Variants in TRMT11 observed in about 807,000 individuals in gnomAD.
TRMT11 encodes tRNA (guanine(10)-N(2))-methyltransferase TRMT11.
TRMT11 carries 53 observed loss-of-function variants against 62.8 expected under a neutral mutation model. The observed-to-expected ratio is 0.84, with a 90% CI of 0.68 to 1.06. The LOEUF (loss-of-function observed/expected upper bound fraction) is 1.06, where lower values mean the gene tolerates loss of function less well. TRMT11 is among the 50% of genes least tolerant of loss of function. The pLI is 0.00. For synonymous variants in TRMT11, 188 were observed against 190.3 expected, an observed-to-expected ratio of 0.99 and a Z score of 0.10; for missense variants, 556 against 553.4, an observed-to-expected ratio of 1.00 and a Z score of -0.05.
At chr6:126,217,663 C>T in the TRMT11 span, among the ~76,000 whole-genome samples, 6 of 152,258 alleles carry the variant, frequency 3.9e-5, no homozygotes, top group Admixed American at 3.9e-4. Flanking sequence ...CCTGTAGCTA[C>T]CACCACTGAG....
intron 7 of TRMT11, among the ~76,000 whole-genome samples, chr6:126,000,136 A>ATAGCC (rs754654056): frequency 5.9e-5 from 9 of 152,138 alleles, no homozygotes; most frequent in Non-Finnish European, 1.2e-4. Context: ...AATGGGCTAG[A>ATAGCC]TAGCCTGGTC....
At chr6:126,151,814 CTTTCTT>C (rs1554242212) in intron 21 of TRMT11, among the ~76,000 whole-genome samples, 1 of 90,702 alleles carries the variant, frequency 1.1e-5, no homozygotes, top group East Asian at 3.0e-4. Context: ...TCTTTTCTTT[CTTTCTT>C]TCTTTCTTTC....
intron 21 of TRMT11, among the ~76,000 whole-genome samples, chr6:126,138,442 C>T (rs1033342463): frequency 2.6e-5 from 4 of 151,916 alleles, no homozygotes; most frequent in African/African-American, 9.7e-5. Context: ...TATGTGCTGT[C>T]TTCCCTTTGA....
intron 21 of TRMT11, among the ~76,000 whole-genome samples, chr6:126,135,037 A>C (rs1777835181): frequency 6.6e-6 from 1 of 151,704 alleles, no homozygotes; most frequent in Non-Finnish European, 1.5e-5. Flanking sequence ...ACATCCAAAT[A>C]ATAAAAAAAA....
intron 21 of TRMT11, among the ~76,000 whole-genome samples, chr6:126,158,002 T>C (rs888224161): frequency 6.6e-6 from 1 of 152,170 alleles, no homozygotes; most frequent in Admixed American, 6.5e-5. Flanking sequence ...TAAGCCCCTC[T>C]ATATCCTCTA....
the TRMT11 span, among the ~76,000 whole-genome samples, chr6:126,225,745 C>G: frequency 5.9e-5 from 8 of 136,192 alleles, no homozygotes; most frequent in African/African-American, 2.4e-4. Flanking sequence ...GGCCGAAGTG[C>G]AATGGCGCGA....
rs1794188986 is a variant in TRMT11, at chr6:126,011,478, A to G, written c.925+61A>G. ...TCGTTTTGTAAAATCATTTACATTT[A>G]AAGTACAAAATTTACCAACACATGC... On this transcript the variant is annotated intron_variant, in intron 9 of 12. Coordinates refer to ENST00000334379, the MANE Select transcript of TRMT11 (RefSeq NM_001031712.3). The G allele has an allele frequency of 3.4e-6, 5 of 1,450,970 alleles. No individual in the cohort carries two copies. The South Asian group carries it at 5.0e-5, about 14-fold the overall frequency. 89.9% of individuals were successfully genotyped at this position (1,450,970 alleles called of 1,614,324 possible).
chr6:126,121,361 T>C (rs984307547), intron 21 of TRMT11, among the ~76,000 whole-genome samples: 4 of 152,120 alleles, frequency 2.6e-5, no homozygotes, highest in East Asian at 1.9e-4. Flanking sequence ...TCAAAACTTC[T>C]TGATGAAATA....
chr6:126,073,940 C>G (rs1235656376), intron 17 of TRMT11, among the ~76,000 whole-genome samples: 1 of 152,056 alleles, frequency 6.6e-6, no homozygotes, highest in Non-Finnish European at 1.5e-5. Context: ...AAGCGCCCAG[C>G]AAAGGGGGTA....
intron 17 of TRMT11, among the ~76,000 whole-genome samples, chr6:126,100,987 T>C (rs979996834): frequency 3.3e-5 from 5 of 152,084 alleles, no homozygotes; most frequent in Non-Finnish European, 7.4e-5. Flanking sequence ...GGGTTCACGC[T>C]TCCATGAGAA....
intron 8 of TRMT11, chr6:126,009,478 G>T (rs1425827754): frequency 6.6e-6 from 1 of 151,894 alleles, no homozygotes; most frequent in Admixed American, 6.6e-5. Context: ...GATTATTTGT[G>T]TTTATGTTGG....
the TRMT11 span, chr6:126,257,873 G>C: frequency 7.5e-7 from 1 of 1,327,702 alleles, no homozygotes. Context: ...TATGAGGTCG[G>C]GGGGACAGTG....
At chr6:126,082,526 T>C (rs189849031) in intron 17 of TRMT11, among the ~76,000 whole-genome samples, 228 of 152,154 alleles carry the variant, frequency 1.5e-3, no homozygotes, top group African/African-American at 5.3e-3. Context: ...TTTTATAGTT[T>C]CTTTTTCACA....
the TRMT11 span, among the ~76,000 whole-genome samples, chr6:126,217,273 G>T: frequency 6.6e-6 from 1 of 152,136 alleles, no homozygotes; most frequent in African/African-American, 2.4e-5. Context: ...TGTTTTTCTG[G>T]ATGATCTTGA....
At chr6:126,140,799 G>A (rs1777908345) in intron 21 of TRMT11, among the ~76,000 whole-genome samples, 1 of 151,984 alleles carries the variant, frequency 6.6e-6, no homozygotes, top group Admixed American at 6.6e-5. Flanking sequence ...TGGTCTCTCA[G>A]TGAAGTTAGT....
chr6:126,228,494 G>A, the TRMT11 span, among the ~76,000 whole-genome samples: 1 of 152,068 alleles, frequency 6.6e-6, no homozygotes, highest in Non-Finnish European at 1.5e-5. Context: ...GCCTCTTTAG[G>A]GGTCATTAAT....
intron 17 of TRMT11, among the ~76,000 whole-genome samples, chr6:126,067,737 A>G (rs1421384948): frequency 6.6e-6 from 1 of 152,100 alleles, no homozygotes; most frequent in African/African-American, 2.4e-5. Context: ...AAGTATCTCT[A>G]TTTTCTACTT....
At chr6:126,217,800 G>A in the TRMT11 span, among the ~76,000 whole-genome samples, 1 of 152,246 alleles carries the variant, frequency 6.6e-6, no homozygotes, top group East Asian at 1.9e-4. Flanking sequence ...TCAGCAGATG[G>A]TGAAATCAGT....
chr6:126,056,262 A>G lies in TRMT11; in HGVS notation c.*1437+3072A>G, dbSNP rs144185337. Among the ~76,000 whole-genome samples the G allele has an allele frequency of 7.5e-3, 1,149 of 152,344 alleles. 11 individuals carry two copies. Among genetic ancestry groups the G allele is most frequent in the African/African-American group, 0.025 (1,060 of 41,584 alleles). On this transcript the variant is annotated intron_variant and NMD_transcript_variant, in intron 17 of 22. Transcript: ENST00000648977. ...TTATAAAGACTAAGGAAGAGAAAAC[A>G]CAGAGCCTAAAACTAAATCCATTAG...
Sources: gnomAD v4.1 joint callset for allele counts (sites outside exome capture counted in the v4.1 genomes callset) on GRCh38, gnomAD v4.1.1 for gene constraint, MANE v1.5 for transcripts, NCBI Gene and HGNC (gene_info 2026-07-23, HGNC 2026-07-21) for gene names.